The following CCDC149 variants were observed in gnomAD, a reference collection of about 807,000 sequenced individuals.
CCDC149 encodes the protein coiled-coil domain containing 149.
Under a neutral mutation model 59.9 loss-of-function variants are expected in CCDC149, and 45 were observed. The observed-to-expected ratio is 0.75, with a 90% CI of 0.59 to 0.96. The LOEUF is 0.96. CCDC149 is among the 40% of genes least tolerant of loss of function. CCDC149 has a pLI of 0.00. For synonymous variants in CCDC149, 245 were observed against 260.6 expected, an observed-to-expected ratio of 0.94 and a Z score of 0.58; for missense variants, 584 against 664.7, an observed-to-expected ratio of 0.88 and a Z score of 1.33.
upstream of CCDC149, among the ~76,000 whole-genome samples, chr4:24,913,557 T>C (rs1722023177): frequency 6.6e-6 from 1 of 152,192 alleles, no homozygotes; most frequent in Non-Finnish European, 1.5e-5. Flanking sequence ...AGAAAGCAAA[T>C]GTAAAAATTG....
chr4:24,923,578 A>G (rs1468473445), intron 1 of CCDC149, among the ~76,000 whole-genome samples: 3 of 152,346 alleles, frequency 2.0e-5, no homozygotes, highest in Admixed American at 1.3e-4. Flanking sequence ...TAGGTAGCCA[A>G]GATAGGCTGA....
chr4:24,936,506 A>G (rs1359096888), intron 1 of CCDC149, among the ~76,000 whole-genome samples: 1 of 152,214 alleles, frequency 6.6e-6, no homozygotes, highest in African/African-American at 2.4e-5. Flanking sequence ...TCATGATCAA[A>G]TCAAGGTCGT....
chr4:24,854,227 A>G (rs1717860073), intron 3 of CCDC149, among the ~76,000 whole-genome samples: 1 of 152,108 alleles, frequency 6.6e-6, no homozygotes. Context: ...TTGTTCTCCC[A>G]TACTATTCTT....
intron 1 of CCDC149, among the ~76,000 whole-genome samples, chr4:24,879,853 T>C (rs552340748): frequency 9.2e-5 from 14 of 152,284 alleles, no homozygotes; most frequent in Non-Finnish European, 2.1e-4. Context: ...ATGATTCTTA[T>C]CCAGCCCATA....
At chr4:24,811,952 C>T (rs772396666) in intron 12 of CCDC149, among the ~76,000 whole-genome samples, 5 of 152,090 alleles carry the variant, frequency 3.3e-5, no homozygotes, top group Non-Finnish European at 5.9e-5. Context: ...ATCCATTTTC[C>T]GCCTCTCCCA....
intron 1 of CCDC149, among the ~76,000 whole-genome samples, chr4:24,886,254 G>A (rs1720172498): frequency 1.3e-5 from 2 of 152,242 alleles, no homozygotes; most frequent in Admixed American, 6.5e-5. Context: ...ACACAGGTGG[G>A]CAGCAAGGCA....
At chr4:24,940,817 A>G (rs1303863433) in intron 1 of CCDC149, among the ~76,000 whole-genome samples, 3 of 152,232 alleles carry the variant, frequency 2.0e-5, no homozygotes, top group African/African-American at 7.2e-5. Context: ...ACATAATGGT[A>G]AAGGGATCAA....
At chr4:24,926,766 G>C (rs1198700136) in intron 1 of CCDC149, among the ~76,000 whole-genome samples, 2 of 152,170 alleles carry the variant, frequency 1.3e-5, no homozygotes, top group African/African-American at 2.4e-5. Context: ...CTTGAAGGTT[G>C]GGAGTGATTC....
At chr4:24,978,691 A>C (rs1314477041) in intron 1 of CCDC149, among the ~76,000 whole-genome samples, 1 of 152,170 alleles carries the variant, frequency 6.6e-6, no homozygotes, top group Non-Finnish European at 1.5e-5. Context: ...CATTCCTCCC[A>C]CCATTCGCCA....
intron 1 of CCDC149, among the ~76,000 whole-genome samples, chr4:24,942,204 A>G (rs1331146958): frequency 1.3e-5 from 2 of 152,234 alleles, no homozygotes; most frequent in Non-Finnish European, 1.5e-5. Context: ...CACCATGATC[A>G]AGTGGGCTTC....
chr4:24,944,281 C>T (rs984292225), intron 1 of CCDC149, among the ~76,000 whole-genome samples: 2 of 152,034 alleles, frequency 1.3e-5, no homozygotes, highest in South Asian at 2.1e-4. Context: ...CTATCATTCT[C>T]AGCAAACTAT....
chr4:24,819,723 G>A, intron 12 of CCDC149, 136 bp downstream of exon 12: 1 of 726,130 alleles, frequency 1.4e-6, no homozygotes, highest in Non-Finnish European at 2.5e-6. Flanking sequence ...TAAGCAACAA[G>A]AGGAAATCTG....
Position 24,834,996 on chromosome 4 carries a change from C to T in CCDC149, c.772G>A (p.Gly258Ser), listed in dbSNP as rs771703199. Residue 258 changes from glycine to serine, a missense_variant, in exon 8 of 13, where the codon GGT becomes AGT. Transcript: ENST00000635206. Reference sequence around the variant, plus strand: ...GTCAGAGCACTGCTGCTGGATTTACCCTGGCCCTTCGAGTTTTTCCGTCTC... The same window carrying T: ...GTCAGAGCACTGCTGCTGGATTTACTCTGGCCCTTCGAGTTTTTCCGTCTC... 6.2e-7 allele frequency: 1 copy of T among 1,613,912 alleles called. No individual in the cohort carries two copies. Among genetic ancestry groups the T allele is most frequent in the African/African-American group, 1.3e-5 (1 of 74,912 alleles).
chr4:24,887,279 G>T (rs1198352605), intron 1 of CCDC149, among the ~76,000 whole-genome samples: 1 of 143,902 alleles, frequency 6.9e-6, no homozygotes, highest in Non-Finnish European at 1.5e-5. Context: ...GTGTAGTGGG[G>T]GTGGGGTGGG....
At chr4:24,849,594 G>A (rs1166761060) in intron 4 of CCDC149, among the ~76,000 whole-genome samples, 1 of 152,164 alleles carries the variant, frequency 6.6e-6, no homozygotes, top group East Asian at 1.9e-4. Flanking sequence ...CTTTCAGGAG[G>A]CTATTTGGAA....
rs567049519 is a variant in CCDC149, at chr4:24,879,338, C to T, written c.64-2641G>A. On this transcript the variant is annotated intron_variant, in intron 1 of 12. Coordinates refer to ENST00000635206, the MANE Select transcript of CCDC149 (RefSeq NM_001330643.2). ...TTCAAGACTAGCCTGGACAAGATGG[C>T]AAAACCCCCTCTCTACTAAAAATAC... 2.6e-5 allele frequency among the ~76,000 whole-genome samples: 4 copies of T among 151,860 alleles called. No individual in the cohort carries two copies. The East Asian group carries it at 5.8e-4, about 22-fold the overall frequency.
At chr4:24,883,448 G>A (rs976234534) in intron 1 of CCDC149, among the ~76,000 whole-genome samples, 4 of 142,850 alleles carry the variant, frequency 2.8e-5, no homozygotes, top group African/African-American at 1.0e-4. Context: ...TGAAAGGAAC[G>A]AAGAGAGGCA....
Position 24,836,359 on chromosome 4 carries a change from A to G in CCDC149, c.735+77T>C, listed in dbSNP as rs1235513161. On this transcript the variant is annotated intron_variant, in intron 7 of 12. Coordinates refer to ENST00000635206, the MANE Select transcript of CCDC149 (RefSeq NM_001330643.2). Reference sequence around the variant, plus strand: ...GCAAGTACTAAAATATCTTTGGCACATAGAAGGGAATTAAAATAGAATGAC... The same window carrying G: ...GCAAGTACTAAAATATCTTTGGCACGTAGAAGGGAATTAAAATAGAATGAC... 6 of 1,007,850 alleles carry G rather than the reference A, an allele frequency of 6.0e-6. No homozygotes were observed. The Admixed American group carries it at 1.1e-4, about 18-fold the overall frequency. The allele number at this position is 1,007,850 out of a possible 1,614,324, so 62.4% of individuals were successfully genotyped here.
At chr4:24,938,662 A>C (rs1229195237) in intron 1 of CCDC149, among the ~76,000 whole-genome samples, 1 of 152,086 alleles carries the variant, frequency 6.6e-6, no homozygotes, top group Non-Finnish European at 1.5e-5. Context: ...AAGGGGTGAC[A>C]GACAGCACCT....
Sources: allele counts gnomAD v4.1 joint callset (sites outside exome capture counted in the v4.1 genomes callset), GRCh38; gene constraint gnomAD v4.1.1; transcripts MANE v1.5; gene names NCBI Gene and HGNC (gene_info 2026-07-23, HGNC 2026-07-21).